ENTREP2: variants seen among roughly 807,000 people sequenced by gnomAD.
The protein encoded by ENTREP2 is endosomal transmembrane epsin interactor 2.
chr15:29,319,482 G>C, the ENTREP2 span, among the ~76,000 whole-genome samples: 3 of 152,218 alleles, frequency 2.0e-5, no homozygotes, highest in East Asian at 5.8e-4. Context: ...CCCTGGACTA[G>C]GGAAGCGGAG....
chr15:29,471,670 G>A, the ENTREP2 span, among the ~76,000 whole-genome samples: 3 of 152,298 alleles, frequency 2.0e-5, no homozygotes, highest in Middle Eastern at 3.4e-3. Flanking sequence ...CGCATACACC[G>A]GGGTAATACG....
chr15:29,554,732 G>A, the ENTREP2 span, among the ~76,000 whole-genome samples: 1 of 151,838 alleles, frequency 6.6e-6, no homozygotes, highest in African/African-American at 2.4e-5. Flanking sequence ...GTGGCGCTGA[G>A]CCAGGGAAGG....
chr15:29,268,060 T>C, the ENTREP2 span: 27 of 152,334 alleles, frequency 1.8e-4, no homozygotes, highest in African/African-American at 5.5e-4. Context: ...CAAAACAGCA[T>C]TGACCTTAAT....
the ENTREP2 span, among the ~76,000 whole-genome samples, chr15:29,538,296 CAG>C: frequency 6.6e-6 from 1 of 152,060 alleles, no homozygotes; most frequent in Non-Finnish European, 1.5e-5. Context: ...CTGGAGGAAG[CAG>C]AGAGTTCAAT....
At chr15:29,338,194 G>C in the ENTREP2 span, among the ~76,000 whole-genome samples, 3 of 151,896 alleles carry the variant, frequency 2.0e-5, no homozygotes, top group Non-Finnish European at 4.4e-5. Flanking sequence ...ACTGATAAGG[G>C]ACAGTTTAGG....
chr15:29,127,325 C>T, the ENTREP2 span, among the ~76,000 whole-genome samples: 31 of 152,282 alleles, frequency 2.0e-4, no homozygotes, highest in East Asian at 4.6e-3. Flanking sequence ...CCCCTCCTGG[C>T]GCCACAGTGG....
At chr15:29,590,989 C>T in the ENTREP2 span, among the ~76,000 whole-genome samples, 1 of 152,176 alleles carries the variant, frequency 6.6e-6, no homozygotes, top group Non-Finnish European at 1.5e-5. Flanking sequence ...ATTCATCTTA[C>T]ACATTAATTA....
the ENTREP2 span, among the ~76,000 whole-genome samples, chr15:29,296,876 C>T: frequency 6.6e-6 from 1 of 152,196 alleles, no homozygotes; most frequent in African/African-American, 2.4e-5. Flanking sequence ...GGTTGGCAAA[C>T]TGTAGCACAT....
chr15:29,250,648 C>G, the ENTREP2 span, among the ~76,000 whole-genome samples: 1 of 152,114 alleles, frequency 6.6e-6, no homozygotes. Flanking sequence ...CTGTCTCCCC[C>G]ACACAGAGCC....
the ENTREP2 span, among the ~76,000 whole-genome samples, chr15:29,190,429 G>A: frequency 2.6e-5 from 4 of 151,922 alleles, no homozygotes; most frequent in African/African-American, 7.3e-5. Context: ...CAGGGGTTTC[G>A]GGGCCTCCAA....
the ENTREP2 span, among the ~76,000 whole-genome samples, chr15:29,480,530 G>A: frequency 6.6e-6 from 1 of 151,912 alleles, no homozygotes; most frequent in South Asian, 2.1e-4. Flanking sequence ...GTCACAGAAG[G>A]ACGTGATGCA....
the ENTREP2 span, among the ~76,000 whole-genome samples, chr15:29,445,426 T>C: frequency 1.7e-4 from 26 of 152,144 alleles, no homozygotes; most frequent in African/African-American, 6.0e-4. Context: ...CCCCTCACCT[T>C]AGGGAAGGGA....
chr15:29,413,187 T>C, the ENTREP2 span, among the ~76,000 whole-genome samples: 61 of 152,294 alleles, frequency 4.0e-4, no homozygotes, highest in African/African-American at 1.4e-3. Context: ...ACTAAAAAAC[T>C]GCAAGATCAA....
At chr15:29,529,994 C>T in the ENTREP2 span, among the ~76,000 whole-genome samples, 72 of 152,240 alleles carry the variant, frequency 4.7e-4, 1 homozygote, top group South Asian at 1.2e-3. Context: ...CTTCACCACA[C>T]GGCCTCTGCA....
At chr15:29,489,134 G>C in the ENTREP2 span, among the ~76,000 whole-genome samples, 1 of 134,008 alleles carries the variant, frequency 7.5e-6, no homozygotes. Context: ...CCTCAGTAAA[G>C]AAAAATAAAA....
the ENTREP2 span, among the ~76,000 whole-genome samples, chr15:29,499,538 G>C: frequency 6.6e-6 from 1 of 150,976 alleles, no homozygotes; most frequent in East Asian, 2.0e-4. Context: ...CACACACTAG[G>C]CTAATTTTTT....
the ENTREP2 span, among the ~76,000 whole-genome samples, chr15:29,453,316 T>C: frequency 6.6e-6 from 1 of 152,164 alleles, no homozygotes; most frequent in East Asian, 1.9e-4. Context: ...GTCCTGGAAG[T>C]GGCGGAGGGG....
chr15:29,413,368 T>A, the ENTREP2 span, among the ~76,000 whole-genome samples: 9,154 of 152,262 alleles, frequency 0.06, 324 homozygotes, highest in African/African-American at 0.1. Context: ...GACAGATTGA[T>A]CGATTTCTAC....
the ENTREP2 span, among the ~76,000 whole-genome samples, chr15:29,285,990 C>T: frequency 6.6e-6 from 1 of 152,174 alleles, no homozygotes; most frequent in Admixed American, 6.5e-5. Context: ...TAAAATTCAG[C>T]ATTTATTCAT....
Sources: gnomAD v4.1 joint callset for allele counts (sites outside exome capture counted in the v4.1 genomes callset) on GRCh38, gnomAD v4.1.1 for gene constraint, MANE v1.5 for transcripts, NCBI Gene and HGNC (gene_info 2026-07-23, HGNC 2026-07-21) for gene names.